The following ERBB4 variants were observed in gnomAD, a reference collection of about 807,000 sequenced individuals.
ERBB4 encodes the protein erb-b2 receptor tyrosine kinase 4.
In ERBB4, 42 loss-of-function variants were observed where a neutral mutation model predicts 158.0. The observed-to-expected ratio is 0.27, with a 90% CI of 0.21 to 0.34. The LOEUF (loss-of-function observed/expected upper bound fraction) is 0.34. Among genes scored for constraint, ERBB4 ranks in the 10% least tolerant of loss-of-function variants. ERBB4 has a pLI of 1.00. For missense variants in ERBB4, 1,333 were observed against 1,624.1 expected, an observed-to-expected ratio of 0.82 and a Z score of 3.08; for synonymous variants, 583 against 558.7, an observed-to-expected ratio of 1.04 and a Z score of -0.61.
At chr2:211,512,154 ACT>A (rs1246990434) in intron 20 of ERBB4, among the ~76,000 whole-genome samples, 2 of 152,086 alleles carry the variant, frequency 1.3e-5, no homozygotes, top group South Asian at 4.1e-4. Flanking sequence ...ACTTTCACTG[ACT>A]CTTGTGAACT....
Position 211,619,276 on chromosome 2 carries a change from C to A in ERBB4, c.2203-1G>T. ...TTTCTCCTTCAGGTACCCAAATACC[C>A]TTTGGGGAAAAAAATTTACATTAAA... On this transcript the variant is annotated splice_acceptor_variant, in intron 18 of 27. Coordinates refer to ENST00000342788, the MANE Select transcript of ERBB4 (RefSeq NM_005235.3). LOFTEE classifies it high-confidence loss of function. The A allele has an allele frequency of 6.3e-7, 1 of 1,577,646 alleles. No individual in the cohort carries two copies. Among genetic ancestry groups the A allele is most frequent in the East Asian group, 2.2e-5 (1 of 44,650 alleles).
At chr2:211,713,475 G>T in intron 8 of ERBB4, 60 bp downstream of exon 8, 3 of 1,031,222 alleles carry the variant, frequency 2.9e-6, no homozygotes, top group Non-Finnish European at 1.5e-6. Context: ...ACTTAAAAGT[G>T]AATTAAAAAC....
intron 1 of ERBB4, chr2:212,426,305 C>A: frequency 2.1e-6 from 1 of 466,706 alleles, no homozygotes. Flanking sequence ...CAGTTTTTGC[C>A]ATTAAAAGTA....
chr2:212,344,921 C>T (rs1259082178), intron 1 of ERBB4, among the ~76,000 whole-genome samples: 1 of 151,840 alleles, frequency 6.6e-6, no homozygotes, highest in Admixed American at 6.6e-5. Flanking sequence ...GGTAGTACAT[C>T]TCTCATAGGG....
At chr2:212,129,538 ACTT>A (rs940569166) in intron 1 of ERBB4, among the ~76,000 whole-genome samples, 10 of 151,852 alleles carry the variant, frequency 6.6e-5, no homozygotes, top group Non-Finnish European at 5.9e-5. Context: ...TTTTGTTTAA[ACTT>A]CTTATAATGA....
intron 3 of ERBB4, among the ~76,000 whole-genome samples, chr2:211,942,297 A>T (rs1299977147): frequency 6.6e-6 from 1 of 151,942 alleles, no homozygotes; most frequent in African/African-American, 2.4e-5. Context: ...CAAATTTTAC[A>T]ACATTTACAT....
At chr2:211,987,330 C>CAAAA (rs564412801) in intron 2 of ERBB4, among the ~76,000 whole-genome samples, 21 of 56,148 alleles carry the variant, frequency 3.7e-4, no homozygotes, top group South Asian at 7.7e-4. Context: ...CAAGAAAAGA[C>CAAAA]AAAAAAAAAA....
At chr2:211,732,901 C>A (rs547440392) in intron 5 of ERBB4, among the ~76,000 whole-genome samples, 1 of 152,144 alleles carries the variant, frequency 6.6e-6, no homozygotes, top group East Asian at 1.9e-4. Context: ...CACTTAAACC[C>A]GGGAGGCGGA....
chr2:212,003,118 AAGGAAGGAAGGAAGGAAG>A (rs2076149426), intron 2 of ERBB4, among the ~76,000 whole-genome samples: 1 of 15,622 alleles, frequency 6.4e-5, no homozygotes, highest in Admixed American at 1.3e-3. Flanking sequence ...AGAAAGAAGG[AAGGAAGGAAGGAAGGAAG>A]GAAGGAAGGA....
chr2:212,537,106 G>T (rs1312797768), intron 1 of ERBB4, among the ~76,000 whole-genome samples: 1 of 151,132 alleles, frequency 6.6e-6, no homozygotes, highest in Non-Finnish European at 1.5e-5. Flanking sequence ...CTCGATAATT[G>T]TAACTTGTTA....
chr2:211,394,240 C>G (rs920838309), intron 25 of ERBB4, among the ~76,000 whole-genome samples: 1 of 152,102 alleles, frequency 6.6e-6, no homozygotes. Flanking sequence ...TAAAGAAATA[C>G]AATTTTCCAC....
intron 1 of ERBB4, among the ~76,000 whole-genome samples, chr2:212,406,207 C>T (rs575395728): frequency 2.5e-4 from 38 of 152,208 alleles, no homozygotes; most frequent in African/African-American, 7.9e-4. Context: ...GTTTCATGCA[C>T]GTTGTACCTG....
At chr2:212,093,098 A>T (rs1274260468) in intron 2 of ERBB4, among the ~76,000 whole-genome samples, 2 of 152,180 alleles carry the variant, frequency 1.3e-5, no homozygotes, top group Non-Finnish European at 2.9e-5. Context: ...TTTTACATGG[A>T]AAATGCTTCC....
intron 3 of ERBB4, among the ~76,000 whole-genome samples, chr2:211,822,744 A>G (rs2105946601): frequency 1.3e-5 from 2 of 152,178 alleles, no homozygotes; most frequent in Middle Eastern, 6.8e-3. Context: ...ATAATGATGC[A>G]TCAATATAAC....
intron 1 of ERBB4, among the ~76,000 whole-genome samples, chr2:212,240,179 T>C (rs573274634): frequency 1.2e-4 from 18 of 152,158 alleles, no homozygotes; most frequent in Non-Finnish European, 2.5e-4. Flanking sequence ...TGTTTGCTTT[T>C]GATGGGGTTC....
chr2:212,466,828 G>C (rs557770528), intron 1 of ERBB4, among the ~76,000 whole-genome samples: 1 of 152,308 alleles, frequency 6.6e-6, no homozygotes, highest in South Asian at 2.1e-4. Flanking sequence ...TGAAAAGACA[G>C]CAAAATGTGG....
intron 3 of ERBB4, among the ~76,000 whole-genome samples, chr2:211,865,602 C>T (rs1236268552): frequency 6.6e-6 from 1 of 152,268 alleles, no homozygotes; most frequent in African/African-American, 2.4e-5. Context: ...ATTCTCTCGC[C>T]TCAGCCTCCC....
chr2:211,406,462 T>C (rs946633827), intron 25 of ERBB4, among the ~76,000 whole-genome samples: 13 of 152,104 alleles, frequency 8.5e-5, no homozygotes, highest in African/African-American at 3.1e-4. Flanking sequence ...CCCTTAAAGA[T>C]CAAAATTAAC....
At position 211,379,107 on chromosome 2, in the gene ERBB4, A is replaced by T. The variant is rs1472909860; in HGVS notation, c.*4508T>A. 8.7e-6 allele frequency: 2 copies of T among 231,110 alleles called. No homozygotes were observed. Among genetic ancestry groups the T allele is most frequent in the Non-Finnish European group, 1.7e-5 (2 of 116,852 alleles). 14.3% of individuals were successfully genotyped at this position (231,110 alleles called of 1,614,324 possible). ...GAAACGCTTGGTTTAGCATTTATTT[A>T]TCAGAAAAATTGTGATTCTTTGTTG... On this transcript the variant is annotated 3_prime_UTR_variant, in exon 28 of 28. Transcript: ENST00000342788.
Sources: allele counts gnomAD v4.1 joint callset (sites outside exome capture counted in the v4.1 genomes callset), GRCh38; gene constraint gnomAD v4.1.1; transcripts MANE v1.5; gene names NCBI Gene and HGNC (gene_info 2026-07-23, HGNC 2026-07-21).